The following ZNF892 variants were observed in gnomAD, a reference collection of about 807,000 sequenced individuals.
ZNF892 encodes the protein zinc finger protein 570-like.
At chr2:95,216,101 A>T in the ZNF892 span, among the ~76,000 whole-genome samples, 1 of 152,186 alleles carries the variant, frequency 6.6e-6, no homozygotes, top group Non-Finnish European at 1.5e-5. Flanking sequence ...GAGGGAAAGG[A>T]TAGAAAAAAA....
At chr2:95,220,957 A>G in the ZNF892 span, among the ~76,000 whole-genome samples, 1 of 152,222 alleles carries the variant, frequency 6.6e-6, no homozygotes. Flanking sequence ...ACAATTATAT[A>G]TTATGTACAT....
chr2:95,221,258 G>A, the ZNF892 span, among the ~76,000 whole-genome samples: 1 of 152,186 alleles, frequency 6.6e-6, no homozygotes, highest in East Asian at 1.9e-4. Flanking sequence ...TCACAGTGGT[G>A]TAGCCCAATA....
the ZNF892 span, among the ~76,000 whole-genome samples, chr2:95,258,411 G>T: frequency 6.6e-6 from 1 of 152,184 alleles, no homozygotes; most frequent in African/African-American, 2.4e-5. Context: ...AGGGTTGGGG[G>T]CTACAGCAGC....
chr2:95,256,607 G>T, the ZNF892 span, among the ~76,000 whole-genome samples: 1 of 152,146 alleles, frequency 6.6e-6, no homozygotes, highest in Non-Finnish European at 1.5e-5. Flanking sequence ...TCTTGAATTT[G>T]AATGTTGGCC....
the ZNF892 span, among the ~76,000 whole-genome samples, chr2:95,247,878 C>T: frequency 1.3e-5 from 2 of 152,144 alleles, no homozygotes; most frequent in African/African-American, 4.8e-5. Context: ...AATGCTTATA[C>T]ACTGCTGGTG....
the ZNF892 span, among the ~76,000 whole-genome samples, chr2:95,222,576 T>C: frequency 6.6e-6 from 1 of 152,250 alleles, no homozygotes; most frequent in African/African-American, 2.4e-5. Flanking sequence ...CCTTAGTGAC[T>C]AATGATGTTG....
At chr2:95,218,051 T>G in the ZNF892 span, among the ~76,000 whole-genome samples, 3 of 152,230 alleles carry the variant, frequency 2.0e-5, no homozygotes, top group Admixed American at 2.0e-4. Context: ...TTGTTGTTTT[T>G]CTGTCCCCTT....
the ZNF892 span, among the ~76,000 whole-genome samples, chr2:95,255,045 A>AT: frequency 2.6e-5 from 4 of 152,004 alleles, no homozygotes; most frequent in South Asian, 2.1e-4. Context: ...GGATTCATGG[A>AT]TTTTTTGAAG....
At chr2:95,260,367 C>T in the ZNF892 span, among the ~76,000 whole-genome samples, 4 of 152,126 alleles carry the variant, frequency 2.6e-5, no homozygotes, top group Non-Finnish European at 5.9e-5. Context: ...CCGTGTTACC[C>T]GCCTTCTCCC....
chr2:95,238,592 C>T, the ZNF892 span, among the ~76,000 whole-genome samples: 19 of 152,288 alleles, frequency 1.2e-4, no homozygotes, highest in South Asian at 6.2e-4. Context: ...AAACACATTT[C>T]GTAAGGCTAT....
chr2:95,230,406 T>C, the ZNF892 span, among the ~76,000 whole-genome samples: 20 of 152,222 alleles, frequency 1.3e-4, no homozygotes, highest in Admixed American at 1.3e-3. Context: ...TTTCTGAGTA[T>C]TACTAATGTT....
chr2:95,246,660 G>C, the ZNF892 span, among the ~76,000 whole-genome samples: 3 of 152,292 alleles, frequency 2.0e-5, no homozygotes, highest in Admixed American at 6.5e-5. Context: ...CTTCAGCAAA[G>C]TCTCAGGATA....
chr2:95,223,391 T>C, the ZNF892 span, among the ~76,000 whole-genome samples: 1 of 151,968 alleles, frequency 6.6e-6, no homozygotes, highest in Non-Finnish European at 1.5e-5. Context: ...AATATTGGGG[T>C]TTTTTTGGGG....
At chr2:95,228,851 G>A in the ZNF892 span, among the ~76,000 whole-genome samples, 2 of 152,102 alleles carry the variant, frequency 1.3e-5, no homozygotes, top group Non-Finnish European at 2.9e-5. Context: ...ACTGCTTAGA[G>A]TAAACCTGCC....
At chr2:95,246,522 G>T in the ZNF892 span, among the ~76,000 whole-genome samples, 50 of 152,236 alleles carry the variant, frequency 3.3e-4, no homozygotes, top group African/African-American at 1.2e-3. Context: ...GGGAAATCAG[G>T]CAAGAGAAAG....
At chr2:95,242,823 CTCTCCCTCTCCCCACGG>C in the ZNF892 span, among the ~76,000 whole-genome samples, 10 of 151,998 alleles carry the variant, frequency 6.6e-5, no homozygotes, top group Admixed American at 1.3e-4. Flanking sequence ...GTCCCTCTCC[CTCTCCCTCTCCCCACGG>C]TCTCCCTCTC....
chr2:95,253,147 G>T, the ZNF892 span, among the ~76,000 whole-genome samples: 1 of 152,162 alleles, frequency 6.6e-6, no homozygotes, highest in African/African-American at 2.4e-5. Flanking sequence ...TTTTAGACAT[G>T]AAGTCCTTGC....
the ZNF892 span, among the ~76,000 whole-genome samples, chr2:95,250,591 CATAAATTATAAATTTATAAATATAA>C: frequency 9.4e-3 from 905 of 96,776 alleles, 13 homozygotes; most frequent in Middle Eastern, 0.015. Flanking sequence ...ATAAGCTATT[CATAAATTATAAATTTATAAATATAA>C]ACTATTCATA....
chr2:95,247,700 C>A, the ZNF892 span, among the ~76,000 whole-genome samples: 2 of 151,932 alleles, frequency 1.3e-5, no homozygotes, highest in African/African-American at 4.8e-5. Context: ...AGACACTTCT[C>A]AAAAAAAGAC....
Sources: allele counts gnomAD v4.1 joint callset (sites outside exome capture counted in the v4.1 genomes callset), GRCh38; gene constraint gnomAD v4.1.1; transcripts MANE v1.5; gene names NCBI Gene and HGNC (gene_info 2026-07-23, HGNC 2026-07-21).